TOX: variants seen among roughly 807,000 people sequenced by gnomAD.
The protein encoded by TOX is thymocyte selection-associated high mobility group box protein TOX.
TOX carries 11 observed loss-of-function variants against 53.7 expected under a neutral mutation model. The observed-to-expected ratio is 0.20, with a 90% CI of 0.13 to 0.34. The LOEUF (loss-of-function observed/expected upper bound fraction) is 0.34. Among genes scored for constraint, TOX ranks in the 10% least tolerant of loss-of-function variants. The pLI is 1.00. For missense variants in TOX, 570 were observed against 664.6 expected, an observed-to-expected ratio of 0.86 and a Z score of 1.56; for synonymous variants, 225 against 245.3, an observed-to-expected ratio of 0.92 and a Z score of 0.77.
chr8:59,025,781 C>T (rs554583481), intron 1 of TOX, among the ~76,000 whole-genome samples: 1 of 152,128 alleles, frequency 6.6e-6, no homozygotes, highest in Non-Finnish European at 1.5e-5. Flanking sequence ...ATTTCATCCT[C>T]ATCATTGTCA....
intron 1 of TOX, chr8:58,991,798 A>G (rs944445041): frequency 2.0e-5 from 3 of 152,380 alleles, no homozygotes; most frequent in Non-Finnish European, 4.4e-5. Flanking sequence ...AAGCTCCCGT[A>G]ACATGTTGAT....
At chr8:58,861,049 GT>G (rs1328543097) in intron 3 of TOX, among the ~76,000 whole-genome samples, 2 of 152,170 alleles carry the variant, frequency 1.3e-5, no homozygotes, top group Non-Finnish European at 2.9e-5. Context: ...GTTTCCTGCT[GT>G]GAATCTTAAA....
chr8:58,981,213 C>T (rs918628359), intron 1 of TOX, among the ~76,000 whole-genome samples: 5 of 152,114 alleles, frequency 3.3e-5, no homozygotes, highest in Admixed American at 1.3e-4. Flanking sequence ...GAACTTCCTA[C>T]CCTCCCACAA....
intron 1 of TOX, among the ~76,000 whole-genome samples, chr8:59,027,904 T>C (rs1214757879): frequency 6.6e-6 from 1 of 152,150 alleles, no homozygotes; most frequent in Non-Finnish European, 1.5e-5. Flanking sequence ...TGTTAGCTGG[T>C]TAAATTTAGC....
chr8:59,074,953 GT>G (rs1375322641), intron 1 of TOX, among the ~76,000 whole-genome samples: 1 of 152,186 alleles, frequency 6.6e-6, no homozygotes, highest in Admixed American at 6.5e-5. Flanking sequence ...CTGCTAGTCT[GT>G]TCCTGTAAGC....
chr8:59,114,172 A>G (rs1278252079), intron 1 of TOX, among the ~76,000 whole-genome samples: 1 of 152,242 alleles, frequency 6.6e-6, no homozygotes, highest in Non-Finnish European at 1.5e-5. Flanking sequence ...ATAATCATTC[A>G]ATTAGATATT....
At chr8:59,001,996 C>G (rs1192381385) in intron 1 of TOX, among the ~76,000 whole-genome samples, 1 of 113,328 alleles carries the variant, frequency 8.8e-6, no homozygotes, top group Non-Finnish European at 1.7e-5. Flanking sequence ...TTTTTTGAGA[C>G]GGAGTTTCAC....
At chr8:58,818,328 A>G (rs1810214293) in intron 6 of TOX, among the ~76,000 whole-genome samples, 1 of 152,224 alleles carries the variant, frequency 6.6e-6, no homozygotes, top group Non-Finnish European at 1.5e-5. Context: ...CACTTGAAAC[A>G]TAATTTTTAA....
intron 3 of TOX, among the ~76,000 whole-genome samples, chr8:58,893,372 C>G (rs1007049948): frequency 1.3e-5 from 2 of 152,124 alleles, no homozygotes; most frequent in African/African-American, 4.8e-5. Flanking sequence ...AATTATTACC[C>G]ATGTGAAATA....
chr8:59,070,348 A>G (rs1225603095), intron 1 of TOX, among the ~76,000 whole-genome samples: 1 of 152,094 alleles, frequency 6.6e-6, no homozygotes, highest in African/African-American at 2.4e-5. Context: ...ACTAACACAC[A>G]ATCCATATAA....
At chr8:58,967,087 G>C (rs1416168448) in intron 1 of TOX, among the ~76,000 whole-genome samples, 1 of 151,808 alleles carries the variant, frequency 6.6e-6, no homozygotes, top group Admixed American at 6.6e-5. Flanking sequence ...TGTTAGCCAG[G>C]ATGGTCTCCA....
intron 2 of TOX, among the ~76,000 whole-genome samples, chr8:58,958,986 C>G (rs1812754701): frequency 6.6e-6 from 1 of 152,152 alleles, no homozygotes; most frequent in African/African-American, 2.4e-5. Flanking sequence ...CCCCATTCCC[C>G]AACCACTCCC....
In TOX at chr8:58,838,081, C is replaced by T. The variant is rs1369311350; in HGVS notation, c.924G>A (p.Gln308=). The change falls in exon 5 of 9, where the codon CAG becomes CAA. Residue 308 remains glutamine (Q), a splice_region_variant and synonymous_variant. Coordinates refer to ENST00000361421, the MANE Select transcript of TOX (RefSeq NM_014729.3). Reference sequence around the variant, plus strand: ...TCCCATTCCACTGGGAATCCCTTACCTGTTTTTGCTCTTCTCCTAAACCGT... The same window carrying T: ...TCCCATTCCACTGGGAATCCCTTACTTGTTTTTGCTCTTCTCCTAAACCGT... ...MWDGLGEEQK[Q]VYKKKTEAAK... is the part of the protein sequence containing the mutation. The T allele has an allele frequency of 6.2e-7, 1 of 1,613,572 alleles. No individual in the cohort carries two copies. Among genetic ancestry groups the T allele is most frequent in the Admixed American group, 1.7e-5 (1 of 59,998 alleles).
At chr8:59,016,527 T>C (rs955448555) in intron 1 of TOX, among the ~76,000 whole-genome samples, 12 of 152,202 alleles carry the variant, frequency 7.9e-5, no homozygotes, top group African/African-American at 2.4e-4. Flanking sequence ...AATGATTCTA[T>C]AAGCACTTAT....
chr8:58,933,053 T>C (rs1812284078), intron 3 of TOX, among the ~76,000 whole-genome samples: 1 of 152,190 alleles, frequency 6.6e-6, no homozygotes, highest in Non-Finnish European at 1.5e-5. Flanking sequence ...TTTGTTGCTT[T>C]CCTCATTGTA....
chr8:58,985,834 T>C (rs1478702464), intron 1 of TOX, among the ~76,000 whole-genome samples: 1 of 152,212 alleles, frequency 6.6e-6, no homozygotes, highest in Admixed American at 6.5e-5. Context: ...TATGAAATGA[T>C]TCCCTACACT....
At chr8:59,115,773 A>G (rs1805089662) in intron 1 of TOX, among the ~76,000 whole-genome samples, 1 of 152,182 alleles carries the variant, frequency 6.6e-6, no homozygotes, top group African/African-American at 2.4e-5. Flanking sequence ...GAGATGCCTC[A>G]CACACTTGCC....
chr8:59,117,982 G>C lies in TOX; in HGVS notation c.102+904C>G, dbSNP rs1805135495. On this transcript the variant is annotated intron_variant, in intron 1 of 8. Transcript: ENST00000361421. This position sits in a 1 kb window ranked among gnomAD's most constrained non-coding sequence, Gnocchi z 4.6. ...TGAGAGAGTTCGAGAAGCCGGGAGA[G>C]TAACCCCCTCCCTCGTACCCCCTGA... 6.6e-6 allele frequency among the ~76,000 whole-genome samples: 1 copy of C among 152,182 alleles called. No homozygotes were observed. Among genetic ancestry groups the C allele is most frequent in the African/African-American group, 2.4e-5 (1 of 41,446 alleles).
intron 1 of TOX, among the ~76,000 whole-genome samples, chr8:58,984,279 A>G (rs923511258): frequency 1.3e-5 from 2 of 152,246 alleles, no homozygotes; most frequent in East Asian, 1.9e-4. Flanking sequence ...ATAAAGGGTT[A>G]ATATTCAGGA....
Sources: gnomAD v4.1 joint callset for allele counts (sites outside exome capture counted in the v4.1 genomes callset) on GRCh38, gnomAD v4.1.1 for gene constraint, Gnocchi (gnomAD v3.1) non-coding constraint, MANE v1.5 for transcripts, NCBI Gene and HGNC (gene_info 2026-07-23, HGNC 2026-07-21) for gene names.